PMF1: variants seen among roughly 807,000 people sequenced by gnomAD.
PMF1 encodes the protein polyamine-modulated factor 1.
PMF1 carries 21 observed loss-of-function variants against 26.7 expected under a neutral mutation model. That is an observed-to-expected ratio of 0.79 (90% confidence interval 0.56 to 1.13). PMF1 has a LOEUF of 1.13. Among genes scored for constraint, PMF1 ranks in the 50% most tolerant of loss-of-function variants. The pLI, the probability that PMF1 is intolerant of heterozygous loss-of-function variation, is 0.00. For synonymous variants in PMF1, 105 were observed against 101.0 expected (o/e 1.04, Z -0.24); for missense variants, 266 against 254.9 (o/e 1.04, Z -0.30).
chr1:156,231,520 C>T (rs563518041), intron 1 of PMF1, among the ~76,000 whole-genome samples: 258 of 151,858 alleles, frequency 1.7e-3, no homozygotes, highest in Middle Eastern at 3.4e-3. Flanking sequence ...CTGGCCAACA[C>T]GGTGAAACCC....
At chr1:156,226,606 A>T (rs1235687062) in intron 1 of PMF1, among the ~76,000 whole-genome samples, 1 of 152,246 alleles carries the variant, frequency 6.6e-6, no homozygotes, top group Non-Finnish European at 1.5e-5. Flanking sequence ...TGTAGCTCAC[A>T]TGAAGCATTT....
intron 1 of PMF1, among the ~76,000 whole-genome samples, chr1:156,217,491 C>T (rs1463596807): frequency 6.6e-6 from 1 of 151,932 alleles, no homozygotes; most frequent in Non-Finnish European, 1.5e-5. Flanking sequence ...TTTGGGAGGC[C>T]GAGGTGGGTG....
chr1:156,231,194 G>A lies in PMF1; in HGVS notation c.162-1126G>A, dbSNP rs558839270. Among the ~76,000 whole-genome samples the A allele has an allele frequency of 3.0e-5, 4 of 134,514 alleles. No individual in the cohort carries two copies. In the Admixed American group the frequency reaches 3.2e-4, roughly 11 times the overall value. 88.2% of individuals were successfully genotyped at this position (134,514 alleles called of 152,430 possible). ...ATCGCGCCACTGCACTCCAGCCTGG[G>A]CGACAGAGCAAGACTCCATCTCAAA... is the stretch of plus-strand genomic sequence containing the variant. On this transcript the variant is annotated intron_variant, in intron 1 of 4. Coordinates refer to ENST00000368277, the MANE Select transcript of PMF1 (RefSeq NM_007221.4).
intron 1 of PMF1, among the ~76,000 whole-genome samples, chr1:156,216,740 G>C (rs1238337059): frequency 1.3e-4 from 19 of 151,900 alleles, no homozygotes; most frequent in African/African-American, 2.9e-4. Flanking sequence ...CACTGGCTCC[G>C]TGCCGTGCGT....
intron 3 of PMF1, among the ~76,000 whole-genome samples, chr1:156,234,794 C>A (rs1195625878): frequency 1.3e-5 from 2 of 152,072 alleles, no homozygotes; most frequent in Non-Finnish European, 2.9e-5. Flanking sequence ...AAGGTGTGAG[C>A]CCTCGCGCCC....
chr1:156,229,818 C>G (rs985935528), intron 1 of PMF1, among the ~76,000 whole-genome samples: 4 of 152,154 alleles, frequency 2.6e-5, no homozygotes, highest in African/African-American at 9.7e-5. Context: ...GGTGATCCAC[C>G]GGTCTCTGCC....
chr1:156,216,636 C>G (rs1300349317), intron 1 of PMF1, among the ~76,000 whole-genome samples: 34 of 151,772 alleles, frequency 2.2e-4, no homozygotes, highest in Non-Finnish European at 3.1e-4. Flanking sequence ...GGGTCTCTGA[C>G]CCACCCGGGG....
intron 4 of PMF1, among the ~76,000 whole-genome samples, chr1:156,237,611 T>A (rs1659106743): frequency 6.8e-6 from 1 of 147,422 alleles, no homozygotes; most frequent in African/African-American, 2.7e-5. Context: ...CACACCCAGC[T>A]AAATTTTGTA....
intron 1 of PMF1, chr1:156,225,754 T>C: frequency 1.7e-6 from 1 of 584,762 alleles, no homozygotes; most frequent in Non-Finnish European, 3.1e-6. Context: ...CATGCTGTCC[T>C]GCACAATTTA....
intron 3 of PMF1, 120 bp downstream of exon 3, chr1:156,233,848 T>A (rs1658856920): frequency 1.1e-6 from 1 of 923,608 alleles, no homozygotes; most frequent in Admixed American, 2.9e-5. Flanking sequence ...ACTCCTGGCC[T>A]TAAGCTGTCC....
chr1:156,224,877 G>A (rs925652116), intron 1 of PMF1, among the ~76,000 whole-genome samples: 2 of 151,752 alleles, frequency 1.3e-5, no homozygotes, highest in Admixed American at 1.3e-4. Flanking sequence ...AGAAAGTGGA[G>A]AGAGAAAAAG....
intron 1 of PMF1, chr1:156,225,648 A>C: frequency 6.4e-7 from 1 of 1,559,666 alleles, no homozygotes; most frequent in Admixed American, 1.9e-5. Flanking sequence ...GGCGGCGTGC[A>C]GGTTACCACA....
intron 1 of PMF1, among the ~76,000 whole-genome samples, chr1:156,229,180 A>T (rs889451044): frequency 6.6e-6 from 1 of 151,972 alleles, no homozygotes; most frequent in Non-Finnish European, 1.5e-5. Context: ...AGTGCTAGGA[A>T]TACAGGCGTG....
At chr1:156,213,878 G>T (rs894342015) in intron 1 of PMF1, among the ~76,000 whole-genome samples, 3 of 152,102 alleles carry the variant, frequency 2.0e-5, no homozygotes, top group Admixed American at 6.5e-5. Flanking sequence ...ACCATGAAAA[G>T]AAACATTTTT....
Position 156,228,190 on chromosome 1 carries a change from A to G in PMF1, c.162-4130A>G, listed in dbSNP as rs1049194630. Among the ~76,000 whole-genome samples, 4 of 142,964 alleles carry G rather than the reference A, an allele frequency of 2.8e-5. No homozygotes were observed. The Admixed American group carries it at 2.9e-4, about 10-fold the overall frequency. 93.8% of individuals were successfully genotyped at this position (142,964 alleles called of 152,430 possible). ...CCTTAGGTGATCTGCTCCTGACCTCAGGTGATCTGCCCGCCTCGGCCTCCC... is the reference window on the plus strand; with the variant it reads ...CCTTAGGTGATCTGCTCCTGACCTCGGGTGATCTGCCCGCCTCGGCCTCCC... On this transcript the variant is annotated intron_variant, in intron 1 of 4. Coordinates refer to ENST00000368277, the MANE Select transcript of PMF1 (RefSeq NM_007221.4).
intron 3 of PMF1, 33 bp downstream of exon 3, chr1:156,233,761 G>C: frequency 6.4e-7 from 1 of 1,568,058 alleles, no homozygotes. Flanking sequence ...AGAAGGTACA[G>C]GAAAGAGGCA....
At chr1:156,239,502 G>A in intron 4 of PMF1, 46 bp from the exon 5 acceptor site, 1 of 1,527,602 alleles carries the variant, frequency 6.5e-7, no homozygotes, top group Non-Finnish European at 9.1e-7. Flanking sequence ...CAAGGATTTG[G>A]GTTTTCTTAG....
chr1:156,234,323 A>C (rs914546094), intron 3 of PMF1, among the ~76,000 whole-genome samples: 1 of 134,008 alleles, frequency 7.5e-6, no homozygotes, highest in African/African-American at 2.7e-5. Flanking sequence ...GAGGGAGCTC[A>C]TTTTAGGGTC....
At chr1:156,230,321 C>G (rs969661432) in intron 1 of PMF1, among the ~76,000 whole-genome samples, 4 of 152,232 alleles carry the variant, frequency 2.6e-5, no homozygotes, top group African/African-American at 9.6e-5. Context: ...CACCCGCTCC[C>G]AATTTAAAGA....
Sources: allele counts gnomAD v4.1 joint callset (sites outside exome capture counted in the v4.1 genomes callset), GRCh38; gene constraint gnomAD v4.1.1; transcripts MANE v1.5; gene names NCBI Gene and HGNC (gene_info 2026-07-23, HGNC 2026-07-21).